FEM1C: variants seen among roughly 807,000 people sequenced by gnomAD.
The protein encoded by FEM1C is protein fem-1 homolog C.
In FEM1C, 15 loss-of-function variants were observed where a neutral mutation model predicts 37.6. That is an observed-to-expected ratio of 0.40 (90% confidence interval 0.27 to 0.61). The LOEUF (loss-of-function observed/expected upper bound fraction) is 0.61. FEM1C is among the 20% of genes least tolerant of loss of function. The probability of loss-of-function intolerance (pLI) is 0.42; values close to 1 mark genes in which losing one functional copy is unlikely to be tolerated. For missense variants in FEM1C, 532 were observed against 749.7 expected (o/e 0.71, Z 3.39); for synonymous variants, 287 against 272.8 (o/e 1.05, Z -0.51).
At chr5:115,528,165 A>C (rs1221617634) in intron 2 of FEM1C, among the ~76,000 whole-genome samples, 2 of 152,166 alleles carry the variant, frequency 1.3e-5, no homozygotes, top group African/African-American at 4.8e-5. Context: ...ACATCCAGTA[A>C]TGGCAGAGAT....
chr5:115,536,685 CA>C (rs892364882), intron 2 of FEM1C, among the ~76,000 whole-genome samples: 2 of 150,522 alleles, frequency 1.3e-5, no homozygotes, highest in Non-Finnish European at 3.0e-5. Context: ...AACAGAAGTT[CA>C]AAAAAAAGGA....
intron 2 of FEM1C, among the ~76,000 whole-genome samples, chr5:115,536,757 A>G (rs1754137475): frequency 6.6e-6 from 1 of 152,040 alleles, no homozygotes; most frequent in East Asian, 1.9e-4. Context: ...CCCTTCATTA[A>G]TTCTTTGTAT....
At chr5:115,525,651 C>T (rs899981051) in intron 2 of FEM1C, 34 bp from the exon 3 acceptor site, 12 of 1,504,556 alleles carry the variant, frequency 8.0e-6, no homozygotes, top group Admixed American at 1.9e-5. Flanking sequence ...AAATAACATA[C>T]ATTGAGGGAC....
intron 2 of FEM1C, among the ~76,000 whole-genome samples, chr5:115,541,496 C>T (rs1019562386): frequency 4.6e-5 from 7 of 152,160 alleles, no homozygotes; most frequent in Non-Finnish European, 8.8e-5. Flanking sequence ...AAGGCAGACA[C>T]TATCACAACT....
At chr5:115,536,594 T>C (rs570370582) in intron 2 of FEM1C, among the ~76,000 whole-genome samples, 53 of 151,930 alleles carry the variant, frequency 3.5e-4, no homozygotes, top group African/African-American at 1.2e-3. Context: ...ACTTAGGGTA[T>C]CAAAGGAGCA....
Position 115,527,904 on chromosome 5 carries a change from G to C in FEM1C, c.545-2287C>G, listed in dbSNP as rs561801360. Among the ~76,000 whole-genome samples, 4 of 151,728 alleles carry C rather than the reference G, an allele frequency of 2.6e-5. No individual in the cohort carries two copies. In the South Asian group the frequency reaches 8.3e-4, roughly 32 times the overall value. ...TAGTCCCAGCTACTTGGGAGGCTGA[G>C]GCAGGAGAATCACTTGAACCTGGGA... On this transcript the variant is annotated intron_variant, in intron 2 of 2. Coordinates refer to ENST00000274457, the MANE Select transcript of FEM1C (RefSeq NM_020177.3).
intron 2 of FEM1C, among the ~76,000 whole-genome samples, chr5:115,527,509 G>A (rs987294356): frequency 2.0e-5 from 3 of 152,148 alleles, no homozygotes; most frequent in African/African-American, 4.8e-5. Flanking sequence ...TCTGACTATC[G>A]ATGTTCATTT....
chr5:115,543,815 C>A (rs1306932014), intron 1 of FEM1C, 132 bp from the exon 2 acceptor site: 4 of 1,067,348 alleles, frequency 3.7e-6, no homozygotes, highest in Non-Finnish European at 4.5e-6. Flanking sequence ...CCACACACCC[C>A]CCCCACCCCC....
intron 2 of FEM1C, among the ~76,000 whole-genome samples, chr5:115,532,984 T>C (rs950215275): frequency 4.6e-5 from 7 of 152,014 alleles, no homozygotes; most frequent in African/African-American, 1.7e-4. Context: ...GTAGTATATG[T>C]TTGTCAAAAA....
chr5:115,525,001 T>G lies in FEM1C; in HGVS notation c.1161A>C (p.Ala387=). Residue 387 remains alanine, a synonymous_variant, in exon 3 of 3, where the codon GCA becomes GCC. Coordinates refer to ENST00000274457, the MANE Select transcript of FEM1C (RefSeq NM_020177.3). The part of the protein sequence containing the change: ...PMTASSLLSF[A]ELFSFMLQDR... ...CCTGTAGCATAAAGGAGAATAGTTC[T>G]GCAAAAGATAATAAGCTGCTGGCGG... The G allele has an allele frequency of 6.2e-7, 1 of 1,613,746 alleles. No individual in the cohort carries two copies. Among genetic ancestry groups the G allele is most frequent in the East Asian group, 2.2e-5 (1 of 44,870 alleles).
chr5:115,542,574 A>C (rs1754263646), intron 2 of FEM1C, among the ~76,000 whole-genome samples: 2 of 151,996 alleles, frequency 1.3e-5, no homozygotes, highest in African/African-American at 2.4e-5. Context: ...AAAAAAAAAA[A>C]AAACAAAACA....
chr5:115,532,541 GA>G (rs1357266450), intron 2 of FEM1C, among the ~76,000 whole-genome samples: 9 of 149,322 alleles, frequency 6.0e-5, no homozygotes, highest in Non-Finnish European at 7.5e-5. Flanking sequence ...AAACAGAGGG[GA>G]AAAAAAAAAG....
chr5:115,542,875 A>G (rs1754269723), intron 2 of FEM1C, 75 bp downstream of exon 2: 1 of 1,528,762 alleles, frequency 6.5e-7, no homozygotes, highest in Admixed American at 2.0e-5. Flanking sequence ...ACTCAACACC[A>G]GTGCTTATAA....
chr5:115,543,696 A>T lies in FEM1C; in HGVS notation c.-190-13T>A. 5.2e-6 allele frequency: 7 copies of T among 1,348,842 alleles called. No individual in the cohort carries two copies. Among genetic ancestry groups the T allele is most frequent in the Non-Finnish European group, 6.6e-6 (7 of 1,055,888 alleles). 83.6% of individuals were successfully genotyped at this position (1,348,842 alleles called of 1,614,324 possible). A position where few individuals can be genotyped will look rare whatever the true frequency, so the allele number is the denominator to read the frequency against. ...CCAGGGCACCAAACTAGAGAAAGAA[A>T]AAAAAAGTAGCAGCATTTAATTTTC... On this transcript the variant is annotated splice_polypyrimidine_tract_variant and intron_variant, in intron 1 of 2. Coordinates refer to ENST00000274457, the MANE Select transcript of FEM1C (RefSeq NM_020177.3).
rs201655348 is a variant in FEM1C, at chr5:115,524,365, T to A, written c.1797A>T (p.Ile599=). ...TTTCTGGGATATGCCCTTTATAATATATTCTATGATTCACTATGACACGAG... is the reference window on the plus strand; with the variant it reads ...TTTCTGGGATATGCCCTTTATAATAAATTCTATGATTCACTATGACACGAG... The part of the protein sequence containing the change: ...LAARVIVNHR[I]YYKGHIPEKL... The change falls in exon 3 of 3, where the codon ATA becomes ATT. Residue 599 remains isoleucine, a synonymous_variant. Transcript: ENST00000274457. 1.2e-4 allele frequency: 200 copies of A among 1,613,486 alleles called. No homozygotes were observed. The East Asian group carries it at 4.4e-3, about 36-fold the overall frequency.
At chr5:115,540,254 A>C (rs1055090212) in intron 2 of FEM1C, among the ~76,000 whole-genome samples, 5 of 152,082 alleles carry the variant, frequency 3.3e-5, no homozygotes, top group Admixed American at 3.3e-4. Flanking sequence ...GTGAAGCTTC[A>C]GGATCAGAGT....
intron 2 of FEM1C, among the ~76,000 whole-genome samples, chr5:115,533,672 A>G (rs1276505621): frequency 1.3e-5 from 2 of 151,964 alleles, no homozygotes; most frequent in African/African-American, 2.4e-5. Flanking sequence ...GTACTTCCCA[A>G]AGATTTTCCA....
chr5:115,524,980 T>C lies in FEM1C; in HGVS notation c.1182A>G (p.Leu394=). Residue 394 remains leucine, a synonymous_variant, in exon 3 of 3, where the codon CTA becomes CTG. Transcript: ENST00000274457. ...LSFAELFSFM[L]QDRAKGLLGT... Reference sequence around the variant, plus strand: ...CCAGCAGGCCTTTAGCCCTATCCTGTAGCATAAAGGAGAATAGTTCTGCAA... The same window carrying C: ...CCAGCAGGCCTTTAGCCCTATCCTGCAGCATAAAGGAGAATAGTTCTGCAA... 2 of 1,613,746 alleles carry C rather than the reference T, an allele frequency of 1.2e-6. No homozygotes were observed. The highest frequency in any genetic ancestry group is 1.7e-6 in the Non-Finnish European group (2 of 1,179,838).
At chr5:115,527,872 G>A (rs972814033) in intron 2 of FEM1C, among the ~76,000 whole-genome samples, 2 of 151,728 alleles carry the variant, frequency 1.3e-5, no homozygotes, top group Non-Finnish European at 2.9e-5. Context: ...ATGGTGGCAC[G>A]CGCCTGTAGT....
Sources: gnomAD v4.1 joint callset for allele counts (sites outside exome capture counted in the v4.1 genomes callset) on GRCh38, gnomAD v4.1.1 for gene constraint, MANE v1.5 for transcripts, NCBI Gene and HGNC (gene_info 2026-07-23, HGNC 2026-07-21) for gene names.